Variants in RUFY4 observed in about 807,000 individuals in gnomAD.
RUFY4 encodes the protein RUN and FYVE domain containing 4, also known as RUN and FYVE domain-containing protein 4.
RUFY4 carries 73 observed loss-of-function variants against 69.0 expected under a neutral mutation model. That is an observed-to-expected ratio of 1.06 (90% CI 0.88 to 1.29). The LOEUF (loss-of-function observed/expected upper bound fraction) is 1.29. Among genes scored for constraint, RUFY4 ranks in the 50% most tolerant of loss-of-function variants. RUFY4 has a pLI of 0.00. For missense variants in RUFY4, 770 were observed against 705.6 expected, an observed-to-expected ratio of 1.09 and a Z score of -1.03; for synonymous variants, 287 against 271.8, an observed-to-expected ratio of 1.06 and a Z score of -0.55.
exon 9 of RUFY4, chr2:218,083,198 C>T: frequency 6.2e-7 from 1 of 1,613,300 alleles, no homozygotes. Context: ...CCAGGAGGAG[C>T]TTGGAGGGCA....
intron 3 of RUFY4, chr2:218,059,693 A>G (rs1339172596): frequency 6.1e-6 from 1 of 165,052 alleles, no homozygotes; most frequent in Non-Finnish European, 1.5e-5. Flanking sequence ...TACACATCAC[A>G]TCTTGTTTAG....
intron 2 of RUFY4, among the ~76,000 whole-genome samples, chr2:218,046,124 A>T (rs1164720963): frequency 6.6e-6 from 1 of 151,932 alleles, no homozygotes; most frequent in Non-Finnish European, 1.5e-5. Flanking sequence ...GTTTTGATGT[A>T]TATAATGTAT....
chr2:218,083,300 G>A (rs778273479), intron 9 of RUFY4, 44 bp downstream of exon 11: 23 of 1,540,370 alleles, frequency 1.5e-5, no homozygotes, highest in East Asian at 6.9e-5. Flanking sequence ...ATGGGGGAAC[G>A]GTAAGGGATG....
At chr2:218,071,749 T>C (rs1432189415) in intron 2 of RUFY4, among the ~76,000 whole-genome samples, 2 of 152,148 alleles carry the variant, frequency 1.3e-5, no homozygotes, top group African/African-American at 4.8e-5. Context: ...TCTTAACTCC[T>C]TTATCAGGGC....
intron 2 of RUFY4, among the ~76,000 whole-genome samples, chr2:218,057,161 C>A (rs1382269292): frequency 6.6e-6 from 1 of 152,010 alleles, no homozygotes; most frequent in African/African-American, 2.4e-5. Flanking sequence ...TCCCAAAAAC[C>A]TTTGCTTAAT....
chr2:218,087,357 G>T (rs1689918933), intron 9 of RUFY4, among the ~76,000 whole-genome samples: 1 of 152,104 alleles, frequency 6.6e-6, no homozygotes, highest in Non-Finnish European at 1.5e-5. Context: ...ATAGCCACAT[G>T]TGGGGTAGTG....
chr2:218,057,903 T>C lies in RUFY4; in HGVS notation c.-1157-692T>C, dbSNP rs77233543. Reference sequence around the variant, plus strand: ...GCAACTTCAGAGTGTAACTAATGAATTCCCTATTGATAAACATTTGGGTTG... The same window carrying C: ...GCAACTTCAGAGTGTAACTAATGAACTCCCTATTGATAAACATTTGGGTTG... On this transcript the variant is annotated intron_variant and NMD_transcript_variant, in intron 2 of 13. Transcript: ENST00000457754. Among the ~76,000 whole-genome samples, 499 of 152,362 alleles carry C rather than the reference T, an allele frequency of 3.3e-3. 2 individuals are homozygous for C. The highest frequency in any genetic ancestry group is 0.011 in the African/African-American group (459 of 41,590).
chr2:218,039,138 CTATT>C (rs965306376), intron 2 of RUFY4, among the ~76,000 whole-genome samples: 19 of 152,140 alleles, frequency 1.2e-4, no homozygotes, highest in Non-Finnish European at 2.5e-4. Context: ...CTTCCTGTCA[CTATT>C]TATACATGAA....
intron 2 of RUFY4, among the ~76,000 whole-genome samples, chr2:218,053,512 ATT>A (rs1215315380): frequency 6.7e-6 from 1 of 148,990 alleles, no homozygotes; most frequent in Non-Finnish European, 1.5e-5. Flanking sequence ...CACCTGGCTA[ATT>A]TTTTTTTTAT....
chr2:218,049,340 A>G (rs1688894235), intron 2 of RUFY4, among the ~76,000 whole-genome samples: 1 of 152,102 alleles, frequency 6.6e-6, no homozygotes. Context: ...TTCATCTTTG[A>G]AGGATAATTT....
chr2:218,037,852 T>C (rs1272419207), intron 2 of RUFY4, among the ~76,000 whole-genome samples: 3 of 152,218 alleles, frequency 2.0e-5, no homozygotes, highest in Non-Finnish European at 2.9e-5. Flanking sequence ...AAGGATCCTA[T>C]GTGGAGAAAA....
intron 8 of RUFY4, among the ~76,000 whole-genome samples, chr2:218,080,328 AGCACAG>A (rs904685611): frequency 2.0e-5 from 3 of 152,318 alleles, no homozygotes; most frequent in African/African-American, 7.2e-5. Context: ...TCCCGTGCAG[AGCACAG>A]GCTGGGGGCA....
intron 2 of RUFY4, among the ~76,000 whole-genome samples, chr2:218,040,215 G>A (rs1003591393): frequency 1.3e-5 from 2 of 152,164 alleles, no homozygotes; most frequent in African/African-American, 4.8e-5. Flanking sequence ...CCCCCGCTTG[G>A]TCATATGGAC....
At chr2:218,076,272 C>G (rs1013365550) in intron 7 of RUFY4, among the ~76,000 whole-genome samples, 155 bp from the exon 10 acceptor site, 4 of 152,232 alleles carry the variant, frequency 2.6e-5, no homozygotes, top group Admixed American at 2.0e-4. Context: ...GAAGCAGGGC[C>G]TAGGACAGAG....
chr2:218,040,962 T>C (rs1034793491), intron 2 of RUFY4, among the ~76,000 whole-genome samples: 6 of 151,920 alleles, frequency 3.9e-5, no homozygotes, highest in Non-Finnish European at 7.4e-5. Flanking sequence ...ATGCTGGATG[T>C]CCTTACAACC....
intron 2 of RUFY4, among the ~76,000 whole-genome samples, chr2:218,049,094 C>T (rs1043183205): frequency 6.6e-6 from 1 of 152,222 alleles, no homozygotes; most frequent in African/African-American, 2.4e-5. Context: ...CTGGCTGGGG[C>T]ACTACTGGGT....
chr2:218,083,911 G>T (rs773184847), intron 9 of RUFY4, among the ~76,000 whole-genome samples: 9 of 149,428 alleles, frequency 6.0e-5, no homozygotes, highest in Non-Finnish European at 1.3e-4. Flanking sequence ...ATTGGGAGAA[G>T]GAGGAAAAAG....
upstream of RUFY4, among the ~76,000 whole-genome samples, chr2:218,066,469 C>A (rs1689334493): frequency 6.6e-6 from 1 of 152,214 alleles, no homozygotes; most frequent in South Asian, 2.1e-4. Context: ...GCCACCACGC[C>A]CAGCCAACTG....
upstream of RUFY4, chr2:218,068,951 T>G (rs1689414597): frequency 6.6e-6 from 1 of 152,086 alleles, no homozygotes; most frequent in African/African-American, 2.4e-5. Context: ...GCTGCGGAGC[T>G]CCATGGCCTC....
Sources: gnomAD v4.1 joint callset for allele counts (sites outside exome capture counted in the v4.1 genomes callset) on GRCh38, gnomAD v4.1.1 for gene constraint, MANE v1.5 for transcripts, NCBI Gene and HGNC (gene_info 2026-07-23, HGNC 2026-07-21) for gene names.